SPRY3: variants seen among roughly 807,000 people sequenced by gnomAD.
SPRY3 encodes sprouty RTK signaling antagonist 3.
A neutral mutation model predicts 20.2 loss-of-function variants in SPRY3; 15 were observed. The observed-to-expected ratio is 0.74, with a 90% CI of 0.50 to 1.14. The LOEUF is 1.14. SPRY3 is among the 50% of genes most tolerant of loss of function. The probability of loss-of-function intolerance (pLI) is 0.00; values close to 1 mark genes in which losing one functional copy is unlikely to be tolerated. For synonymous variants in SPRY3, 143 were observed against 136.5 expected (o/e 1.05, Z -0.33); for missense variants, 364 against 363.9 (o/e 1.00, Z 0.00).
At chrX:155,687,855 G>C (rs957554265) in intron 2 of SPRY3, among the ~76,000 whole-genome samples, 2 of 112,236 alleles carry the variant, frequency 1.8e-5, no homozygotes, top group African/African-American at 6.5e-5. Context: ...ATTAGAAATA[G>C]AGAGCTTTAT....
intron 1 of SPRY3, among the ~76,000 whole-genome samples, chrX:155,640,179 C>G (rs1039836253): frequency 3.8e-4 from 42 of 111,813 alleles, no homozygotes; most frequent in African/African-American, 1.3e-3. Context: ...TTTGACTCTC[C>G]AAAAACTTAA....
At chrX:155,727,530 C>G (rs2124560488) in intron 2 of SPRY3, among the ~76,000 whole-genome samples, 1 of 152,196 alleles carries the variant, frequency 6.6e-6, no homozygotes, top group South Asian at 2.1e-4. Flanking sequence ...CTTGTCTTCT[C>G]ACTTTATTTC....
intron 2 of SPRY3, among the ~76,000 whole-genome samples, chrX:155,657,662 A>G (rs1370138386): frequency 4.5e-5 from 5 of 111,618 alleles, no homozygotes; most frequent in Non-Finnish European, 9.4e-5. Flanking sequence ...TGGGCAGGGG[A>G]GGAGGATGGG....
intron 2 of SPRY3, among the ~76,000 whole-genome samples, chrX:155,710,325 C>T (rs1455814740): frequency 6.6e-6 from 1 of 151,588 alleles, no homozygotes; most frequent in African/African-American, 2.4e-5. Context: ...TTTGTGCGTA[C>T]TCTTCAATTT....
downstream of SPRY3, chrX:155,781,402 G>A (rs769089491): frequency 1.2e-5 from 2 of 167,120 alleles, no homozygotes; most frequent in South Asian, 4.2e-4. Context: ...GATTTTTAAA[G>A]TTCCCAGATG....
intron 1 of SPRY3, among the ~76,000 whole-genome samples, chrX:155,629,635 C>T (rs113025308): frequency 4.9e-4 from 55 of 111,497 alleles, no homozygotes; most frequent in African/African-American, 1.7e-3. Flanking sequence ...AGTGTAAAAG[C>T]GTTCCTATTT....
chrX:155,727,040 T>C, intron 2 of SPRY3, among the ~76,000 whole-genome samples: 1 of 152,140 alleles, frequency 6.6e-6, no homozygotes, highest in Non-Finnish European at 1.5e-5. Flanking sequence ...TCTAAAGGAG[T>C]TTATTTCTCC....
rs764081866 is a variant in SPRY3 at position 155,764,326 on chromosome X, G to C, written c.-281-3636G>C. Among the ~76,000 whole-genome samples the C allele has an allele frequency of 3.3e-5, 5 of 152,280 alleles. No homozygotes were observed. In the South Asian group the frequency reaches 1.0e-3, roughly 32 times the overall value. Reference sequence around the variant, plus strand: ...GCTAAGAAAACAAATTTTCTGAAGTGCACTGCTACAACAATCTAACAAGTT... The same window carrying C: ...GCTAAGAAAACAAATTTTCTGAAGTCCACTGCTACAACAATCTAACAAGTT... On this transcript the variant is annotated intron_variant, in intron 2 of 3. Coordinates refer to ENST00000675360, the Ensembl canonical transcript of SPRY3.
chrX:155,765,543 C>G (rs2091322560), intron 2 of SPRY3, among the ~76,000 whole-genome samples: 1 of 152,212 alleles, frequency 6.6e-6, no homozygotes. Context: ...CGCAGGAAAT[C>G]TAGCTGTTGA....
At chrX:155,779,871 A>T (rs923609034), downstream of SPRY3, 4 of 167,024 alleles carry the variant, frequency 2.4e-5, no homozygotes, top group African/African-American at 9.6e-5. Context: ...CAAAAGCATT[A>T]GTGCCCCATT....
intron 2 of SPRY3, among the ~76,000 whole-genome samples, chrX:155,716,133 C>T (rs1295928732): frequency 6.6e-6 from 1 of 152,134 alleles, no homozygotes; most frequent in African/African-American, 2.4e-5. Context: ...GTGTAGGCTT[C>T]TATTCCACAA....
intron 1 of SPRY3, among the ~76,000 whole-genome samples, chrX:155,633,708 A>G (rs1380410397): frequency 8.9e-6 from 1 of 111,857 alleles, no homozygotes; most frequent in African/African-American, 3.3e-5. Context: ...GTTTGTGACA[A>G]GTAAATCAGA....
intron 2 of SPRY3, among the ~76,000 whole-genome samples, chrX:155,705,006 A>C (rs2090940311): frequency 6.6e-6 from 1 of 151,572 alleles, no homozygotes; most frequent in South Asian, 2.1e-4. Context: ...CTACAAGATA[A>C]AGGAAAGTTT....
At chrX:155,647,969 G>GT (rs1352499839) in intron 1 of SPRY3, among the ~76,000 whole-genome samples, 5 of 111,518 alleles carry the variant, frequency 4.5e-5, no homozygotes, top group Non-Finnish European at 9.4e-5. Flanking sequence ...AGCATCTGTT[G>GT]TTTCCTGACT....
At chrX:155,661,196 T>A (rs1430893206) in intron 2 of SPRY3, among the ~76,000 whole-genome samples, 2 of 112,251 alleles carry the variant, frequency 1.8e-5, no homozygotes, top group African/African-American at 6.5e-5. Context: ...TGAAAATTCC[T>A]TTCAGCATTT....
At chrX:155,696,891 A>C (rs758866826) in intron 2 of SPRY3, among the ~76,000 whole-genome samples, 31 of 112,208 alleles carry the variant, frequency 2.8e-4, no homozygotes, top group Admixed American at 2.6e-3. Context: ...AAATGTCAAG[A>C]TTAAATCTGT....
intron 2 of SPRY3, among the ~76,000 whole-genome samples, chrX:155,692,620 C>T (rs956886431): frequency 2.7e-5 from 3 of 111,457 alleles, no homozygotes; most frequent in Admixed American, 9.6e-5. Context: ...TATGTCACTT[C>T]GCTGGTATTT....
chrX:155,776,671 A>G (rs2091428336), exon 4 of SPRY3: 1 of 167,096 alleles, frequency 6.0e-6, no homozygotes, highest in African/African-American at 2.4e-5. Flanking sequence ...CTCTAACTTT[A>G]TAGATCATCT....
At chrX:155,705,978 A>G (rs2090948029) in intron 2 of SPRY3, among the ~76,000 whole-genome samples, 1 of 151,334 alleles carries the variant, frequency 6.6e-6, no homozygotes, top group Non-Finnish European at 1.5e-5. Flanking sequence ...CAGAAAATTA[A>G]CAAGGATATA....
Sources: gnomAD v4.1 joint callset for allele counts (sites outside exome capture counted in the v4.1 genomes callset) on GRCh38, gnomAD v4.1.1 for gene constraint, MANE v1.5 for transcripts, NCBI Gene and HGNC (gene_info 2026-07-23, HGNC 2026-07-21) for gene names.